ROBO2: variants seen among roughly 807,000 people sequenced by gnomAD.
ROBO2 encodes the protein roundabout homolog 2.
Under a neutral mutation model 160.8 loss-of-function variants are expected in ROBO2, and 53 were observed. The observed-to-expected ratio is 0.33, with a 90% CI of 0.26 to 0.41. The LOEUF is 0.41. Ranked by LOEUF, ROBO2 falls within the 10% of genes least tolerant of loss-of-function variation. ROBO2 has a pLI of 1.00. For missense variants in ROBO2, 1,577 were observed against 1,722.4 expected (o/e 0.92, Z 1.49); for synonymous variants, 664 against 611.7 (o/e 1.09, Z -1.26).
intron 1 of ROBO2, among the ~76,000 whole-genome samples, chr3:75,915,268 C>A (rs9849873): frequency 0.047 from 7,088 of 152,148 alleles, 563 homozygotes; most frequent in African/African-American, 0.16. Flanking sequence ...AGAGTCAGGT[C>A]TTTTTCAATC....
intron 2 of ROBO2, among the ~76,000 whole-genome samples, chr3:75,986,366 G>C (rs1256364947): frequency 6.6e-6 from 1 of 151,518 alleles, no homozygotes; most frequent in Non-Finnish European, 1.5e-5. Flanking sequence ...TTGGAGAAAA[G>C]TTCTTTGCCC....
intron 5 of ROBO2, among the ~76,000 whole-genome samples, chr3:77,506,267 A>G (rs1411539689): frequency 6.6e-6 from 1 of 152,180 alleles, no homozygotes; most frequent in Non-Finnish European, 1.5e-5. Context: ...GTAAACAGAA[A>G]ATAAAGTGAT....
intron 23 of ROBO2, 45 bp downstream of exon 24, chr3:77,622,477 T>C (rs199785891): frequency 1.1e-5 from 16 of 1,519,954 alleles, no homozygotes; most frequent in Non-Finnish European, 1.3e-5. Flanking sequence ...ATTGGTAACA[T>C]TAAAATGCAT....
intron 2 of ROBO2, among the ~76,000 whole-genome samples, chr3:76,686,116 T>G (rs559684867): frequency 6.6e-6 from 1 of 152,212 alleles, no homozygotes; most frequent in South Asian, 2.1e-4. Context: ...CCTTTGATCT[T>G]CAGTTTAGTG....
intron 2 of ROBO2, among the ~76,000 whole-genome samples, chr3:76,862,274 G>A (rs2070866668): frequency 6.6e-6 from 1 of 152,080 alleles, no homozygotes; most frequent in South Asian, 2.1e-4. Context: ...GCTTCATTCT[G>A]GATGGCTTTA....
intron 2 of ROBO2, among the ~76,000 whole-genome samples, chr3:76,045,172 G>GC (rs748527790): frequency 6.6e-6 from 1 of 151,880 alleles, no homozygotes; most frequent in African/African-American, 2.4e-5. Flanking sequence ...ACTATATAGT[G>GC]CCCCCGTGTG....
At chr3:76,076,484 A>ATT (rs2068649750) in intron 2 of ROBO2, among the ~76,000 whole-genome samples, 1 of 152,200 alleles carries the variant, frequency 6.6e-6, no homozygotes, top group Non-Finnish European at 1.5e-5. Context: ...TATAGACATT[A>ATT]TTTTTATAGA....
chr3:76,246,335 C>G (rs755393504), intron 2 of ROBO2, among the ~76,000 whole-genome samples: 22 of 152,024 alleles, frequency 1.4e-4, no homozygotes, highest in Non-Finnish European at 3.2e-4. Flanking sequence ...TCAATTGTAT[C>G]ATTTCTTGTA....
At chr3:77,189,834 A>G (rs1178624497) in intron 2 of ROBO2, among the ~76,000 whole-genome samples, 1 of 151,910 alleles carries the variant, frequency 6.6e-6, no homozygotes, top group Admixed American at 6.6e-5. Context: ...CATATTAAAC[A>G]CAGGCTGGTA....
At chr3:77,395,408 G>A (rs2153505176) in intron 2 of ROBO2, among the ~76,000 whole-genome samples, 1 of 152,266 alleles carries the variant, frequency 6.6e-6, no homozygotes, top group South Asian at 2.1e-4. Flanking sequence ...GGGAGTAGAA[G>A]GAGATTTATG....
chr3:76,463,382 A>AG (rs1559989526), intron 2 of ROBO2, among the ~76,000 whole-genome samples: 4 of 71,636 alleles, frequency 5.6e-5, no homozygotes, highest in South Asian at 4.1e-4. Flanking sequence ...GGAAAAAAAA[A>AG]CAAAATAAAA....
chr3:76,970,526 T>C (rs990794864), intron 2 of ROBO2, among the ~76,000 whole-genome samples: 6 of 152,218 alleles, frequency 3.9e-5, no homozygotes, highest in African/African-American at 1.4e-4. Flanking sequence ...GTGACAAGCA[T>C]TTGCCGGCTT....
At chr3:76,737,931 G>C (rs2093740306) in intron 2 of ROBO2, among the ~76,000 whole-genome samples, 1 of 152,102 alleles carries the variant, frequency 6.6e-6, no homozygotes, top group Non-Finnish European at 1.5e-5. Context: ...CAGATCACTT[G>C]GGTTCAAGAC....
intron 2 of ROBO2, among the ~76,000 whole-genome samples, chr3:76,011,353 A>G (rs1173288335): frequency 6.6e-6 from 1 of 152,206 alleles, no homozygotes; most frequent in Non-Finnish European, 1.5e-5. Flanking sequence ...CCACCAGAGC[A>G]AGACACACAG....
At position 76,718,050 on chromosome 3, in the gene ROBO2, A is replaced by T. The variant is rs138905068; in HGVS notation, c.110-379964A>T. 2.3e-3 allele frequency among the ~76,000 whole-genome samples: 352 copies of T among 152,336 alleles called. 2 individuals are homozygous for T. The highest frequency in any genetic ancestry group is 8.1e-3 in the African/African-American group (338 of 41,580). ...TATTCATTTTTACCAGCATTGCATA[A>T]CCTGCCCAAACTGGATGGTAGTCCA... On this transcript the variant is annotated intron_variant, in intron 2 of 26. Transcript: ENST00000487694.
chr3:76,693,687 G>A (rs2092864731), intron 2 of ROBO2, among the ~76,000 whole-genome samples: 1 of 152,072 alleles, frequency 6.6e-6, no homozygotes, highest in South Asian at 2.1e-4. Context: ...CTCAGCCTGA[G>A]GCCAAAGCCT....
chr3:76,235,792 G>A (rs140579773), intron 2 of ROBO2, among the ~76,000 whole-genome samples: 44 of 152,256 alleles, frequency 2.9e-4, no homozygotes, highest in African/African-American at 1.1e-3. Flanking sequence ...TGCATTGTGG[G>A]TTTTAAAAAC....
At chr3:77,412,779 C>A (rs2076906693) in intron 2 of ROBO2, among the ~76,000 whole-genome samples, 1 of 152,222 alleles carries the variant, frequency 6.6e-6, no homozygotes, top group South Asian at 2.1e-4. Context: ...CCCACACTTC[C>A]TGTTTTATAG....
intron 2 of ROBO2, among the ~76,000 whole-genome samples, chr3:76,142,066 C>A (rs1242225835): frequency 6.6e-6 from 1 of 151,840 alleles, no homozygotes; most frequent in Non-Finnish European, 1.5e-5. Flanking sequence ...AATGCAATAA[C>A]AAACGGATTC....
Sources: gnomAD v4.1 joint callset for allele counts (sites outside exome capture counted in the v4.1 genomes callset) on GRCh38, gnomAD v4.1.1 for gene constraint, MANE v1.5 for transcripts, NCBI Gene and HGNC (gene_info 2026-07-23, HGNC 2026-07-21) for gene names.